Variants in ETNK2 observed in about 807,000 individuals in gnomAD.
The protein encoded by ETNK2 is ethanolamine kinase-like protein.
A neutral mutation model predicts 46.2 loss-of-function variants in ETNK2; 33 were observed. The observed-to-expected ratio is 0.71, with a 90% CI of 0.54 to 0.96. The LOEUF (loss-of-function observed/expected upper bound fraction) is 0.96, where lower values mean the gene tolerates loss of function less well. ETNK2 is among the 40% of genes least tolerant of loss of function. The pLI, the probability that ETNK2 is intolerant of heterozygous loss-of-function variation, is 0.00. For missense variants in ETNK2, 445 were observed against 509.7 expected, an observed-to-expected ratio of 0.87 and a Z score of 1.22; for synonymous variants, 194 against 209.0, an observed-to-expected ratio of 0.93 and a Z score of 0.62.
intron 5 of ETNK2, among the ~76,000 whole-genome samples, chr1:204,138,065 C>G (rs927802505): frequency 6.6e-6 from 1 of 152,098 alleles, no homozygotes; most frequent in Non-Finnish European, 1.5e-5. Flanking sequence ...CCTTTATATC[C>G]CTGGAGAAAC....
Position 204,151,799 on chromosome 1 carries a change from C to T in ETNK2, c.54G>A (p.Arg18=). The T allele has an allele frequency of 6.7e-7, 1 of 1,497,008 alleles. No homozygotes were observed. The highest frequency in any genetic ancestry group is 2.4e-5 in the Admixed American group (1 of 40,960). 92.7% of individuals were successfully genotyped at this position (1,497,008 alleles called of 1,614,324 possible). ...ATGAGCACTGCGGGCAAGGCGTGTG[C>T]CTCCTCAGGTGAAAGGACGCGCGCG... ...PQPRASFHLR[R]HTPCPQCSWG... The change falls in exon 1 of 8, where the codon AGG becomes AGA. Residue 18 remains arginine, a synonymous_variant. Coordinates refer to ENST00000367202, the MANE Select transcript of ETNK2 (RefSeq NM_018208.4). This position sits in a 1 kb window ranked among gnomAD's most constrained non-coding sequence, Gnocchi z 8.0.
intron 3 of ETNK2, 72 bp downstream of exon 3, chr1:204,146,570 T>C: frequency 6.3e-7 from 1 of 1,583,808 alleles, no homozygotes; most frequent in Non-Finnish European, 8.6e-7. Context: ...CCTAGCAGGG[T>C]GGGCTGGAGC....
Position 204,151,217 on chromosome 1 carries a change from G to T in ETNK2, c.258+378C>A. 2.8e-6 allele frequency: 1 copy of T among 359,374 alleles called. No homozygotes were observed. The highest frequency in any genetic ancestry group is 2.2e-5 in the African/African-American group (1 of 44,884). 22.3% of individuals were successfully genotyped at this position (359,374 alleles called of 1,614,324 possible). ...ATGCATGTATGGCTGGGTCGGGGGG[G>T]CGGGGGGTCTCTTAAAAGTTCCCGC... On this transcript the variant is annotated intron_variant, in intron 1 of 7. Coordinates refer to ENST00000367202, the MANE Select transcript of ETNK2 (RefSeq NM_018208.4). This position sits in a 1 kb window ranked among gnomAD's most constrained non-coding sequence, Gnocchi z 8.0.
At chr1:204,140,963 T>C (rs1657498359) in intron 4 of ETNK2, 6 of 337,626 alleles carry the variant, frequency 1.8e-5, no homozygotes, top group South Asian at 1.3e-4. Flanking sequence ...GCTAGGACTA[T>C]AGCATGTACC....
At chr1:204,141,170 C>G (rs1268780941) in intron 4 of ETNK2, 145 bp downstream of exon 4, 1 of 995,106 alleles carries the variant, frequency 1.0e-6, no homozygotes. Flanking sequence ...TTTCCTTTCC[C>G]CCTTCCCTCC....
intron 2 of ETNK2, among the ~76,000 whole-genome samples, chr1:204,148,639 G>A (rs78068871): frequency 0.033 from 5,029 of 150,804 alleles, 120 homozygotes; most frequent in South Asian, 0.068. Flanking sequence ...CAAATATCCC[G>A]CCTGACCAGC....
Position 204,132,052 on chromosome 1 carries a change from G to T in ETNK2, c.*132C>A. 1.3e-6 allele frequency: 1 copy of T among 750,204 alleles called. No homozygotes were observed. The highest frequency in any genetic ancestry group is 2.3e-6 in the Non-Finnish European group (1 of 425,966). The allele number at this position is 750,204 out of a possible 1,614,324, so 46.5% of individuals were successfully genotyped here. A position where few individuals can be genotyped will look rare whatever the true frequency, so the allele number is the denominator to read the frequency against. ...CCACTGGGGTCTGGCGGCAGGGACAGAGCCTTCTCCCTGGACACCCATGTG... is the reference window on the plus strand; with the variant it reads ...CCACTGGGGTCTGGCGGCAGGGACATAGCCTTCTCCCTGGACACCCATGTG... On this transcript the variant is annotated 3_prime_UTR_variant, in exon 8 of 8. Transcript: ENST00000367202.
intron 2 of ETNK2, among the ~76,000 whole-genome samples, chr1:204,148,570 AC>A (rs1657881984): frequency 1.1e-3 from 1 of 898 alleles, no homozygotes; most frequent in African/African-American, 8.3e-3. Context: ...CACCCTCAAG[AC>A]ACACACACAC....
In ETNK2 at chr1:204,134,587, G is replaced by A. The variant is rs769362056; in HGVS notation, c.1016C>T (p.Ala339Val). 6.1e-5 allele frequency: 98 copies of A among 1,613,874 alleles called. No individual in the cohort carries two copies. The highest frequency in any genetic ancestry group is 8.0e-5 in the Non-Finnish European group (94 of 1,179,896). Reference sequence around the variant, plus strand: ...CCAGAGAGCCCAGAAGAAGTGAGACGCCTGGAAACAGACCAGAGAGGGTCA... The same window carrying A: ...CCAGAGAGCCCAGAAGAAGTGAGACACCTGGAAACAGACCAGAGAGGGTCA... The part of the protein sequence containing the change: ...LYVQVNKFAL[A>V]SHFFWALWAL... The change falls in exon 7 of 8, where the codon GCG becomes GTG. Residue 339 changes from alanine to valine, a missense_variant and splice_region_variant. Transcript: ENST00000367202.
Position 204,132,112 on chromosome 1 carries a change from C to T in ETNK2, c.*72G>A, listed in dbSNP as rs1401882803. On this transcript the variant is annotated 3_prime_UTR_variant, in exon 8 of 8. Coordinates refer to ENST00000367202, the MANE Select transcript of ETNK2 (RefSeq NM_018208.4). ...CCACCCTGTCCAAGGGTGTGGATCCCAGAGTGCAGAATTGAGCTCTGGAGA... is the reference window on the plus strand; with the variant it reads ...CCACCCTGTCCAAGGGTGTGGATCCTAGAGTGCAGAATTGAGCTCTGGAGA... 8.1e-7 allele frequency: 1 copy of T among 1,238,634 alleles called. No homozygotes were observed. Among genetic ancestry groups the T allele is most frequent in the Non-Finnish European group, 1.2e-6 (1 of 862,882 alleles). The allele number at this position is 1,238,634 out of a possible 1,614,324, so 76.7% of individuals were successfully genotyped here.
At position 204,137,219 on chromosome 1, in the gene ETNK2, G is replaced by T. The variant is rs761926179; in HGVS notation, c.899C>A (p.Pro300Gln). 1 of 1,613,848 alleles carries T rather than the reference G, an allele frequency of 6.2e-7. No homozygotes were observed. The highest frequency in any genetic ancestry group is 1.7e-5 in the Admixed American group (1 of 60,016). The change falls in exon 6 of 8, where the codon CCG (proline) becomes CAG (glutamine). Residue 300 changes from proline (P) to glutamine (Q), a missense_variant. Transcript: ENST00000367202. ...GVNEVDYCLYPARETQLQWLH... is the reference protein window; with the variant it reads ...GVNEVDYCLYQARETQLQWLH... ...CCACTGCAGCTGGGTCTCCCGCGCC[G>T]GGTACAGGCAGTAATCCACCTCATT... is the stretch of plus-strand genomic sequence containing the variant.
At chr1:204,140,841 T>TTA (rs1553302065) in intron 4 of ETNK2, among the ~76,000 whole-genome samples, 1 of 140,096 alleles carries the variant, frequency 7.1e-6, no homozygotes, top group Non-Finnish European at 1.6e-5. Context: ...TTTTTTTTTT[T>TTA]AAATAGGGTC....
chr1:204,134,417 G>T (rs1657201863), intron 7 of ETNK2, 98 bp downstream of exon 7: 1 of 1,369,460 alleles, frequency 7.3e-7, no homozygotes, highest in Non-Finnish European at 1.0e-6. Context: ...CAGGGGAGCG[G>T]ACTCTGGGCA....
In ETNK2 at chr1:204,151,882, G is replaced by C. The variant is rs1221005226; in HGVS notation, c.-30C>G. 2.8e-6 allele frequency: 4 copies of C among 1,416,556 alleles called. No individual in the cohort carries two copies. The highest frequency in any genetic ancestry group is 3.7e-6 in the Non-Finnish European group (4 of 1,091,566). 87.7% of individuals were successfully genotyped at this position (1,416,556 alleles called of 1,614,324 possible). On this transcript the variant is annotated 5_prime_UTR_variant, in exon 1 of 8. Coordinates refer to ENST00000367202, the MANE Select transcript of ETNK2 (RefSeq NM_018208.4). The surrounding 1 kb of genome is among the most constrained non-coding windows in gnomAD (Gnocchi z 8.0). ...AGCAGCCCCACCCCCTCGGAGCCGC[G>C]GCAGACGCTAGCCCCGGCGGGGGGG...
intron 5 of ETNK2, among the ~76,000 whole-genome samples, chr1:204,137,512 A>G (rs1657337614): frequency 6.6e-6 from 1 of 152,174 alleles, no homozygotes; most frequent in African/African-American, 2.4e-5. Flanking sequence ...GGGGCAAGAC[A>G]CTGTCCTGGG....
chr1:204,140,941 G>C, intron 4 of ETNK2: 2 of 345,512 alleles, frequency 5.8e-6, no homozygotes, highest in South Asian at 4.5e-5. Context: ...TCCTGCCTCA[G>C]CCTCCCGAGG....
At chr1:204,148,987 C>A (rs1277759120) in intron 2 of ETNK2, among the ~76,000 whole-genome samples, 1 of 152,188 alleles carries the variant, frequency 6.6e-6, no homozygotes, top group African/African-American at 2.4e-5. Context: ...GAGGACACTG[C>A]TTGCCATCCT....
At chr1:204,140,516 T>C (rs1044632749) in intron 4 of ETNK2, among the ~76,000 whole-genome samples, 1 of 150,068 alleles carries the variant, frequency 6.7e-6, no homozygotes, top group African/African-American at 2.5e-5. Context: ...AGATTTTTGT[T>C]TGTTTGTTTT....
At chr1:204,134,068 A>G (rs61143953) in intron 7 of ETNK2, among the ~76,000 whole-genome samples, 3,310 of 152,304 alleles carry the variant, frequency 0.022, 120 homozygotes, top group African/African-American at 0.075. Flanking sequence ...CTGTCGCCCA[A>G]CCAGAAGGCA....
Sources: gnomAD v4.1 joint callset for allele counts (sites outside exome capture counted in the v4.1 genomes callset) on GRCh38, gnomAD v4.1.1 for gene constraint, Gnocchi (gnomAD v3.1) non-coding constraint, MANE v1.5 for transcripts, NCBI Gene and HGNC (gene_info 2026-07-23, HGNC 2026-07-21) for gene names.